ADAMTSL1: variants seen among roughly 807,000 people sequenced by gnomAD.
ADAMTSL1 encodes ADAMTS like 1.
ADAMTSL1 carries 126 observed loss-of-function variants against 201.8 expected under a neutral mutation model. That is an observed-to-expected ratio of 0.62 (90% CI 0.54 to 0.72). The LOEUF (loss-of-function observed/expected upper bound fraction) is 0.72. Ranked by LOEUF, ADAMTSL1 falls within the 30% of genes least tolerant of loss-of-function variation. The pLI, the probability that ADAMTSL1 is intolerant of heterozygous loss-of-function variation, is 0.00. For missense variants in ADAMTSL1, 2,679 were observed against 2,277.8 expected, an observed-to-expected ratio of 1.18 and a Z score of -3.59; for synonymous variants, 1,121 against 903.4, an observed-to-expected ratio of 1.24 and a Z score of -4.32.
At chr9:18,901,493 C>G (rs1374532805) in intron 26 of ADAMTSL1, among the ~76,000 whole-genome samples, 1 of 152,104 alleles carries the variant, frequency 6.6e-6, no homozygotes, top group Non-Finnish European at 1.5e-5. Context: ...AGTGAATATA[C>G]AGCATATAGA....
At chr9:18,651,305 C>T (rs1287811879) in intron 7 of ADAMTSL1, 1 of 152,206 alleles carries the variant, frequency 6.6e-6, no homozygotes, top group Non-Finnish European at 1.5e-5. Flanking sequence ...AAGAGAATGA[C>T]TTTCCCAGGT....
Position 18,887,784 on chromosome 9 carries a change from G to A in ADAMTSL1, c.4250-47G>A, listed in dbSNP as rs114195808. ...CAGTAAACCAGTGCACCAGCAATGT[G>A]TTCCTTATGGCTTTACTAAGGCTTA... On this transcript the variant is annotated intron_variant, in intron 23 of 28. Transcript: ENST00000380548. 2,172 of 1,532,398 alleles carry A rather than the reference G, an allele frequency of 1.4e-3. 33 individuals are homozygous for A. The African/African-American group carries it at 0.025, about 18-fold the overall frequency. 94.9% of individuals were successfully genotyped at this position (1,532,398 alleles called of 1,614,324 possible).
chr9:18,207,842 C>A (rs1169309224), intron 2 of ADAMTSL1, among the ~76,000 whole-genome samples: 1 of 151,794 alleles, frequency 6.6e-6, no homozygotes, highest in Non-Finnish European at 1.5e-5. Flanking sequence ...AATTATTGCA[C>A]AATTTAGTCC....
chr9:18,484,914 G>A (rs1821909269), intron 1 of ADAMTSL1, among the ~76,000 whole-genome samples: 1 of 152,130 alleles, frequency 6.6e-6, no homozygotes, highest in Non-Finnish European at 1.5e-5. Context: ...GTAGAGACAA[G>A]TTTCTAATTT....
At chr9:18,047,626 G>C (rs1821727665) in intron 1 of ADAMTSL1, among the ~76,000 whole-genome samples, 1 of 152,048 alleles carries the variant, frequency 6.6e-6, no homozygotes, top group East Asian at 1.9e-4. Flanking sequence ...GGGTGGGGTG[G>C]GGTGATGACA....
At chr9:18,568,538 C>T (rs1422925471) in intron 3 of ADAMTSL1, among the ~76,000 whole-genome samples, 3 of 152,114 alleles carry the variant, frequency 2.0e-5, no homozygotes, top group East Asian at 1.9e-4. Flanking sequence ...TAAATTTCCA[C>T]GTATGTTTTT....
intron 16 of ADAMTSL1, among the ~76,000 whole-genome samples, chr9:18,766,328 G>A (rs1413787139): frequency 6.6e-6 from 1 of 152,172 alleles, no homozygotes; most frequent in African/African-American, 2.4e-5. Context: ...TATTCTCATT[G>A]CAAGGGAACG....
chr9:18,554,714 A>AT lies in ADAMTSL1; in HGVS notation c.238-19305dup, dbSNP rs35093359. On this transcript the variant is annotated intron_variant, in intron 3 of 28. Transcript: ENST00000380548. Reference sequence around the variant, plus strand: ...TTGTTTGTTTGTATTATCTCATTTTATTTTTTTTTTTAGAGAAATGGTAGG... The same window carrying AT: ...TTGTTTGTTTGTATTATCTCATTTTATTTTTTTTTTTTAGAGAAATGGTAGG... Among the ~76,000 whole-genome samples the AT allele has an allele frequency of 6.6e-3, 893 of 135,174 alleles. 2 individuals are homozygous for AT. Among genetic ancestry groups the AT allele is most frequent in the African/African-American group, 0.017 (638 of 37,172 alleles). 88.7% of individuals were successfully genotyped at this position (135,174 alleles called of 152,430 possible).
chr9:18,644,967 A>C (rs1001925093), intron 7 of ADAMTSL1, among the ~76,000 whole-genome samples: 2 of 151,868 alleles, frequency 1.3e-5, no homozygotes, highest in Non-Finnish European at 2.9e-5. Flanking sequence ...CGCCACACTG[A>C]CTTCCACAAT....
chr9:18,127,080 G>A (rs917717445), intron 1 of ADAMTSL1, among the ~76,000 whole-genome samples: 7 of 152,152 alleles, frequency 4.6e-5, no homozygotes, highest in Admixed American at 2.0e-4. Flanking sequence ...ATTTCAGTGT[G>A]TAACTGGGAG....
chr9:18,113,218 C>T (rs1462370035), intron 1 of ADAMTSL1, among the ~76,000 whole-genome samples: 2 of 152,028 alleles, frequency 1.3e-5, no homozygotes, highest in Admixed American at 1.3e-4. Context: ...ATAGGAAGAC[C>T]TGGTAGGCCA....
chr9:18,629,045 C>T (rs1394507489), intron 5 of ADAMTSL1, among the ~76,000 whole-genome samples: 1 of 152,096 alleles, frequency 6.6e-6, no homozygotes, highest in East Asian at 1.9e-4. Flanking sequence ...TTCTTTATTT[C>T]CATGTCCAAT....
At chr9:18,602,511 CTT>C (rs1824728245) in intron 4 of ADAMTSL1, among the ~76,000 whole-genome samples, 8 of 152,312 alleles carry the variant, frequency 5.3e-5, no homozygotes, top group African/African-American at 1.9e-4. Context: ...CCAGACTGGG[CTT>C]CTAATCTGGT....
At chr9:17,948,055 A>G (rs1172190716) in intron 1 of ADAMTSL1, among the ~76,000 whole-genome samples, 1 of 152,132 alleles carries the variant, frequency 6.6e-6, no homozygotes, top group African/African-American at 2.4e-5. Context: ...CATTCTGTTT[A>G]TGTTACATGC....
intron 2 of ADAMTSL1, among the ~76,000 whole-genome samples, chr9:18,235,215 G>A (rs753469656): frequency 1.3e-5 from 2 of 152,084 alleles, no homozygotes; most frequent in Non-Finnish European, 2.9e-5. Context: ...TGACCTTAAC[G>A]ATTTGGGAAA....
intron 2 of ADAMTSL1, among the ~76,000 whole-genome samples, chr9:18,193,701 A>G (rs528690761): frequency 3.3e-4 from 50 of 152,272 alleles, no homozygotes; most frequent in Non-Finnish European, 6.0e-4. Flanking sequence ...GTCTGTTTGG[A>G]CAGCCTACTC....
intron 2 of ADAMTSL1, among the ~76,000 whole-genome samples, chr9:18,258,602 C>T (rs1217646567): frequency 6.6e-6 from 1 of 152,162 alleles, no homozygotes; most frequent in Non-Finnish European, 1.5e-5. Context: ...CCTGGATCTC[C>T]ACACCCACCG....
intron 2 of ADAMTSL1, among the ~76,000 whole-genome samples, chr9:18,176,008 A>G (rs11793426): frequency 0.031 from 914 of 29,888 alleles, 9 homozygotes; most frequent in Non-Finnish European, 0.059. Flanking sequence ...GAGGGAAAGC[A>G]AAAAAAAAAA....
chr9:18,138,072 C>T (rs1826234797), intron 1 of ADAMTSL1, among the ~76,000 whole-genome samples: 1 of 152,120 alleles, frequency 6.6e-6, no homozygotes, highest in African/African-American at 2.4e-5. Flanking sequence ...CCCTGCTATG[C>T]CACTTGCTGG....
Sources: gnomAD v4.1 joint callset for allele counts (sites outside exome capture counted in the v4.1 genomes callset) on GRCh38, gnomAD v4.1.1 for gene constraint, MANE v1.5 for transcripts, NCBI Gene and HGNC (gene_info 2026-07-23, HGNC 2026-07-21) for gene names.